UNC45A: variants seen among roughly 807,000 people sequenced by gnomAD.
UNC45A encodes the protein protein unc-45 homolog A.
UNC45A carries 78 observed loss-of-function variants against 103.2 expected under a neutral mutation model. The ratio of observed to expected loss-of-function variants is 0.76; its 90% confidence interval spans 0.63 to 0.91. The LOEUF (loss-of-function observed/expected upper bound fraction) is 0.91, where lower values mean the gene tolerates loss of function less well. UNC45A is among the 40% of genes least tolerant of loss of function. UNC45A has a pLI of 0.00. For synonymous variants in UNC45A, 495 were observed against 504.6 expected (o/e 0.98, Z 0.25); for missense variants, 1,193 against 1,224.8 (o/e 0.97, Z 0.39).
chr15:90,932,980 G>C (rs1227574541), upstream of UNC45A: 1 of 158,794 alleles, frequency 6.3e-6, no homozygotes, highest in Non-Finnish European at 1.4e-5. Flanking sequence ...TCTTCAACCT[G>C]TAAAAGCTCT....
At chr15:90,947,017 G>A (rs1423335684) in intron 10 of UNC45A, 103 bp downstream of exon 10, 1 of 1,408,770 alleles carries the variant, frequency 7.1e-7, no homozygotes, top group African/African-American at 1.4e-5. Flanking sequence ...ATGAAAATAA[G>A]GAATACTGTA....
At chr15:90,936,561 T>G (rs2036033957) in intron 4 of UNC45A, 101 bp downstream of exon 4, 1 of 1,397,242 alleles carries the variant, frequency 7.2e-7, no homozygotes, top group Admixed American at 2.6e-5. Flanking sequence ...CGGTGGCAAG[T>G]GAACCTTGCC....
chr15:90,935,688 G>A lies in UNC45A; in HGVS notation c.196G>A (p.Ala66Thr). 2 of 1,561,626 alleles carry A rather than the reference G, an allele frequency of 1.3e-6. No homozygotes were observed. Among genetic ancestry groups the A allele is most frequent in the Non-Finnish European group, 8.6e-7 (1 of 1,156,560 alleles). The change falls in exon 2 of 20, where the codon GCC becomes ACC. Residue 66 changes from alanine to threonine, a missense_variant. Coordinates refer to ENST00000418476, the MANE Select transcript of UNC45A (RefSeq NM_018671.5). ...DQAVLHRNRA[A>T]CHLKLEDYDK... is the part of the protein sequence containing the mutation. ...GGCCGTTCTGCACCGGAACCGGGCC[G>A]CCTGCCACCTCAAGCTGGTGAGGGA...
chr15:90,935,954 C>G lies in UNC45A; in HGVS notation c.222C>G (p.Tyr74Ter), dbSNP rs758739072. Residue 74 changes from tyrosine (Y) to a stop codon, truncating the protein, a stop_gained, in exon 3 of 20, where the codon TAC becomes TAG. Coordinates refer to ENST00000418476, the MANE Select transcript of UNC45A (RefSeq NM_018671.5). LOFTEE classifies it high-confidence loss of function. ...RAACHLKLED[Y>*]DKAETEASKA... ...CTGTCTTTCTCTTACAGGAAGATTACGACAAAGCAGAAACAGAGGCATCCA... is the reference window on the plus strand; with the variant it reads ...CTGTCTTTCTCTTACAGGAAGATTAGGACAAAGCAGAAACAGAGGCATCCA... 1.9e-6 allele frequency: 3 copies of G among 1,613,894 alleles called. No individual in the cohort carries two copies. The highest frequency in any genetic ancestry group is 1.3e-5 in the African/African-American group (1 of 74,884).
At chr15:90,945,939 G>A (rs1165215538) in intron 9 of UNC45A, among the ~76,000 whole-genome samples, 1 of 149,406 alleles carries the variant, frequency 6.7e-6, no homozygotes, top group Admixed American at 6.7e-5. Context: ...GCGTCCAGGC[G>A]ACAGTCCTTG....
At chr15:90,931,620 G>A (rs965144381), upstream of UNC45A, 11 of 1,613,896 alleles carry the variant, frequency 6.8e-6, no homozygotes, top group African/African-American at 1.2e-4. Flanking sequence ...AATGCCCAGG[G>A]TTTTTCAGGG....
chr15:90,930,609 T>A (rs1596198275), upstream of UNC45A: 1 of 152,588 alleles, frequency 6.6e-6, no homozygotes, highest in African/African-American at 2.4e-5. Flanking sequence ...CCTCAAGTGA[T>A]CCGCCCGCCT....
Position 90,935,570 on chromosome 15 carries a change from G to A in UNC45A, c.78G>A (p.Lys26=), listed in dbSNP as rs759277036. Residue 26 remains lysine (K), a synonymous_variant, in exon 2 of 20, where the codon AAG becomes AAA. Transcript: ENST00000418476. Reference sequence around the variant, plus strand: ...CCAGCTCAGTGGAGCAGCTGCGGAAGGAGGGCAATGAGCTGTTCAAATGTG... The same window carrying A: ...CCAGCTCAGTGGAGCAGCTGCGGAAAGAGGGCAATGAGCTGTTCAAATGTG... The part of the protein sequence containing the change: ...PGASSVEQLR[K]EGNELFKCGD... 6.2e-7 allele frequency: 1 copy of A among 1,610,806 alleles called. No homozygotes were observed. The highest frequency in any genetic ancestry group is 8.5e-7 in the Non-Finnish European group (1 of 1,178,522).
chr15:90,937,870 G>C (rs2036099272), intron 4 of UNC45A, among the ~76,000 whole-genome samples: 1 of 151,892 alleles, frequency 6.6e-6, no homozygotes, highest in South Asian at 2.1e-4. Flanking sequence ...ACCCATGCTG[G>C]AGTACAACCT....
chr15:90,949,955 T>C (rs2036802042), intron 15 of UNC45A, 199 bp from the exon 16 acceptor site: 2 of 665,858 alleles, frequency 3.0e-6, no homozygotes, highest in African/African-American at 1.8e-5. Context: ...TTTACCCCCA[T>C]GGCCCTGGTG....
rs550778802 is a variant in UNC45A at position 90,953,820 on chromosome 15, C to G, written c.*104C>G. 5 of 1,476,628 alleles carry G rather than the reference C, an allele frequency of 3.4e-6. No homozygotes were observed. In the East Asian group the frequency reaches 9.9e-5, roughly 29 times the overall value. The allele number at this position is 1,476,628 out of a possible 1,614,324, so 91.5% of individuals were successfully genotyped here. On this transcript the variant is annotated 3_prime_UTR_variant, in exon 20 of 20. Coordinates refer to ENST00000418476, the MANE Select transcript of UNC45A (RefSeq NM_018671.5). Reference sequence around the variant, plus strand: ...CTGGTGGTGGCTGGCATGCCCAATACTCTTGCCCATCCTCGCTTGCTGCCC... The same window carrying G: ...CTGGTGGTGGCTGGCATGCCCAATAGTCTTGCCCATCCTCGCTTGCTGCCC...
chr15:90,946,840 G>A lies in UNC45A; in HGVS notation c.1426G>A (p.Ala476Thr). The A allele has an allele frequency of 6.2e-7, 1 of 1,611,236 alleles. No homozygotes were observed. Among genetic ancestry groups the A allele is most frequent in the Non-Finnish European group, 8.5e-7 (1 of 1,178,520 alleles). ...GGCTAAGCGGGCCTCATTCATCACT[G>A]CCAATGGTGTCTCGCTGCTGAAGGA... is the stretch of plus-strand genomic sequence containing the variant. ...GKAKRASFIT[A>T]NGVSLLKDLY... The change falls in exon 10 of 20, where the codon GCC becomes ACC. Residue 476 changes from alanine to threonine, a missense_variant. By Grantham distance (58) the Ala-to-Thr change is moderately conservative. Coordinates refer to ENST00000418476, the MANE Select transcript of UNC45A (RefSeq NM_018671.5).
chr15:90,930,837 G>A, upstream of UNC45A: 1 of 195,872 alleles, frequency 5.1e-6, no homozygotes, highest in Non-Finnish European at 1.1e-5. Context: ...AGGTGACTCC[G>A]GGACACACAA....
Position 90,948,374 on chromosome 15 carries a change from T to C in UNC45A, c.1737+91T>C, listed in dbSNP as rs2036693416. 2.6e-6 allele frequency: 4 copies of C among 1,548,146 alleles called. No homozygotes were observed. In the South Asian group the frequency reaches 4.7e-5, roughly 18 times the overall value. The stretch of plus-strand genomic sequence containing the variant: ...TCGGCAGGGCTTGGCCAATGGGGTC[T>C]TTTGACCCCAGGGAAGAGGGCTGGT... On this transcript the variant is annotated intron_variant, in intron 12 of 19. Transcript: ENST00000418476.
chr15:90,952,945 G>A lies in UNC45A; in HGVS notation c.2320G>A (p.Glu774Lys), dbSNP rs1418887353. ...GCCCTGCAGGCAGAAGATCCTGAAG[G>A]AGAAGGCTGTGCCCATGATAGAAGG... ...SERLRQKILK[E>K]KAVPMIEGYM... Residue 774 changes from glutamate (E) to lysine (K), a missense_variant, in exon 18 of 20, where the codon GAG (glutamate) becomes AAG (lysine). By Grantham distance (56) the Glu-to-Lys change is moderately conservative. Transcript: ENST00000418476. The A allele has an allele frequency of 6.2e-7, 1 of 1,613,088 alleles. No homozygotes were observed. The highest frequency in any genetic ancestry group is 8.5e-7 in the Non-Finnish European group (1 of 1,180,024).
chr15:90,949,413 T>C lies in UNC45A; in HGVS notation c.1976T>C (p.Leu659Pro), dbSNP rs751563480. Residue 659 changes from leucine to proline, a missense_variant, in exon 14 of 20, where the codon CTG becomes CCG. Coordinates refer to ENST00000418476, the MANE Select transcript of UNC45A (RefSeq NM_018671.5). ...VCMVKTESPV[L>P]TSSCRELLSR... The stretch of plus-strand genomic sequence containing the variant: ...ATGGTGAAGACGGAGAGCCCTGTGC[T>C]GACCAGTTCCTGCAGAGAGCTGCTC... 1.2e-6 allele frequency: 2 copies of C among 1,613,824 alleles called. No individual in the cohort carries two copies. Among genetic ancestry groups the C allele is most frequent in the Admixed American group, 3.3e-5 (2 of 60,024 alleles).
In UNC45A at chr15:90,935,315, C is replaced by T. The variant is rs1320553065; in HGVS notation, c.-10C>T. 3 of 1,602,330 alleles carry T rather than the reference C, an allele frequency of 1.9e-6. No homozygotes were observed. Among genetic ancestry groups the T allele is most frequent in the African/African-American group, 2.7e-5 (2 of 74,764 alleles). Reference sequence around the variant, plus strand: ...CTGCGCCTGCGCGGGCACGAGACAACCTCTCCGCGATGACTGTGAGTGGTC... The same window carrying T: ...CTGCGCCTGCGCGGGCACGAGACAATCTCTCCGCGATGACTGTGAGTGGTC... On this transcript the variant is annotated 5_prime_UTR_variant, in exon 1 of 20. Coordinates refer to ENST00000418476, the MANE Select transcript of UNC45A (RefSeq NM_018671.5).
chr15:90,944,560 G>A (rs545374498), intron 8 of UNC45A, among the ~76,000 whole-genome samples: 3 of 152,102 alleles, frequency 2.0e-5, no homozygotes, highest in Non-Finnish European at 4.4e-5. Context: ...GTCCTACGAG[G>A]TGTGGGTATC....
At chr15:90,950,742 G>A (rs78738339) in intron 17 of UNC45A, 127 bp downstream of exon 17, 27,654 of 933,178 alleles carry the variant, frequency 0.03, 544 homozygotes, top group Middle Eastern at 0.062. Context: ...TGACTGCTCC[G>A]CATCATTAGA....
Sources: gnomAD v4.1 joint callset for allele counts (sites outside exome capture counted in the v4.1 genomes callset) on GRCh38, gnomAD v4.1.1 for gene constraint, MANE v1.5 for transcripts, NCBI Gene and HGNC (gene_info 2026-07-23, HGNC 2026-07-21) for gene names.